Variants in CHORDC1 observed in about 807,000 individuals in gnomAD.
CHORDC1 encodes cysteine and histidine-rich domain-containing protein 1.
CHORDC1 carries 25 observed loss-of-function variants against 48.3 expected under a neutral mutation model. That is an observed-to-expected ratio of 0.52 (90% CI 0.38 to 0.72). The LOEUF is 0.72. Among genes scored for constraint, CHORDC1 ranks in the 30% least tolerant of loss-of-function variants. The pLI is 0.00. For synonymous variants in CHORDC1, 128 were observed against 126.4 expected, an observed-to-expected ratio of 1.01 and a Z score of -0.09; for missense variants, 317 against 388.7, an observed-to-expected ratio of 0.82 and a Z score of 1.55.
chr11:90,215,205 GTTC>G lies in CHORDC1; in HGVS notation c.137_139del (p.Arg46del). The stretch of plus-strand genomic sequence containing the variant: ...GCTTAAGAAATCAGAAAAATCAGTT[GTTC>G]TTCTCTTACAGCAAGACCAACCCTA... On this transcript the variant is annotated inframe_deletion, in exon 3 of 11. Coordinates refer to ENST00000320585, the MANE Select transcript of CHORDC1 (RefSeq NM_012124.3). 5 of 1,561,508 alleles carry G rather than the reference GTTC, an allele frequency of 3.2e-6. No individual in the cohort carries two copies. The highest frequency in any genetic ancestry group is 4.4e-6 in the Non-Finnish European group (5 of 1,148,182).
At chr11:90,205,003 T>G (rs141738677) in intron 8 of CHORDC1, among the ~76,000 whole-genome samples, 131 of 152,088 alleles carry the variant, frequency 8.6e-4, no homozygotes, top group African/African-American at 3.0e-3. Context: ...ACAATTCCAC[T>G]GAAACAAGAC....
At chr11:90,214,272 A>C in intron 3 of CHORDC1, 97 bp from the exon 4 acceptor site, 1 of 966,590 alleles carries the variant, frequency 1.0e-6, no homozygotes, top group Non-Finnish European at 1.4e-6. Flanking sequence ...ATTCTATTTC[A>C]TGTTTTCTCC....
At position 90,202,538 on chromosome 11, in the gene CHORDC1, T is replaced by C. The variant is rs180930667; in HGVS notation, c.866A>G (p.Lys289Arg). 4.3e-5 allele frequency: 69 copies of C among 1,613,368 alleles called. No homozygotes were observed. The highest frequency in any genetic ancestry group is 5.8e-5 in the Non-Finnish European group (69 of 1,179,536). Residue 289 changes from lysine (K) to arginine (R), a missense_variant, in exon 11 of 11, where the codon AAG becomes AGG. Physicochemically the swap from Lys to Arg is conservative, Grantham distance 26. Transcript: ENST00000320585. ...TGCAGTCATAGTTACATAACTTCGC[T>C]TTACATCAATCACCTGTAACATATC... ...NVKLWGVIDV[K>R]RSYVTMTATK...
rs1181659230 is a variant in CHORDC1 at position 90,201,086 on chromosome 11, AT to A, written c.*1318del. The A allele has an allele frequency of 6.6e-6, 1 of 152,014 alleles. No homozygotes were observed. The highest frequency in any genetic ancestry group is 2.4e-5 in the African/African-American group (1 of 41,456). The allele number at this position is 152,014 out of a possible 1,614,324, so 9.4% of individuals were successfully genotyped here. A position where few individuals can be genotyped will look rare whatever the true frequency, so the allele number is the denominator to read the frequency against. On this transcript the variant is annotated 3_prime_UTR_variant, in exon 11 of 11. Coordinates refer to ENST00000320585, the MANE Select transcript of CHORDC1 (RefSeq NM_012124.3). Reference sequence around the variant, plus strand: ...CAATTATATTAACTACAACTAAGTTATTTGCTAATGGTAGTAGAATGATACA... The same window carrying A: ...CAATTATATTAACTACAACTAAGTTATTGCTAATGGTAGTAGAATGATACA...
intron 2 of CHORDC1, chr11:90,217,895 CAA>C (rs71055891): frequency 0.14 from 25,505 of 176,412 alleles, 1,102 homozygotes; most frequent in South Asian, 0.2. Flanking sequence ...AACTCCATCT[CAA>C]AAAAAAAAAA....
chr11:90,217,376 C>T (rs1331379129), intron 2 of CHORDC1, among the ~76,000 whole-genome samples: 1 of 152,132 alleles, frequency 6.6e-6, no homozygotes, highest in African/African-American at 2.4e-5. Context: ...ATGTATCATA[C>T]TATCATGAAT....
chr11:90,204,777 T>C (rs1256475575), intron 8 of CHORDC1, among the ~76,000 whole-genome samples: 1 of 151,908 alleles, frequency 6.6e-6, no homozygotes, highest in African/African-American at 2.4e-5. Flanking sequence ...CTAAATTAAT[T>C]TGAAAATTTA....
chr11:90,205,467 T>A lies in CHORDC1; in HGVS notation c.662A>T (p.Lys221Ile). The change falls in exon 8 of 11, where the codon AAA becomes ATA. Residue 221 changes from lysine to isoleucine, a missense_variant. Transcript: ENST00000320585. ...CTKGKHMWTK[K>I]DAGKKVVPCR... The stretch of plus-strand genomic sequence containing the variant: ...TTTGGAAGAGTTACTTACAGCATCT[T>A]TTTTAGTCCACATGTGTTTCCCTTT... 6.3e-7 allele frequency: 1 copy of A among 1,589,786 alleles called. No homozygotes were observed.
At chr11:90,222,627 G>A (rs1431017187) in intron 1 of CHORDC1, 1 of 674,630 alleles carries the variant, frequency 1.5e-6, no homozygotes, top group Admixed American at 2.0e-5. Context: ...GACGACGGGG[G>A]AAACACGTGG....
In CHORDC1 at chr11:90,200,618, C is replaced by G. The variant is rs910841211; in HGVS notation, c.*1787G>C. Reference sequence around the variant, plus strand: ...GTAAATACCATGGTCACTAATGTAACCAGACTAAATATAAAAGCTACATAT... The same window carrying G: ...GTAAATACCATGGTCACTAATGTAAGCAGACTAAATATAAAAGCTACATAT... On this transcript the variant is annotated 3_prime_UTR_variant, in exon 11 of 11. Transcript: ENST00000320585. Among the ~76,000 whole-genome samples, 26 of 150,886 alleles carry G rather than the reference C, an allele frequency of 1.7e-4. No homozygotes were observed. Among genetic ancestry groups the G allele is most frequent in the African/African-American group, 6.3e-4 (26 of 41,182 alleles).
chr11:90,213,812 C>G, intron 4 of CHORDC1: 1 of 494,266 alleles, frequency 2.0e-6, no homozygotes, highest in Non-Finnish European at 3.5e-6. Flanking sequence ...ATATGCAAAT[C>G]TGTTATGTAG....
chr11:90,221,476 T>C (rs906032106), intron 1 of CHORDC1, among the ~76,000 whole-genome samples: 16 of 152,316 alleles, frequency 1.1e-4, no homozygotes, highest in African/African-American at 3.8e-4. Context: ...CTGCACCAAT[T>C]CACACATGGA....
chr11:90,211,805 T>G (rs1225129103), intron 4 of CHORDC1: 1 of 153,150 alleles, frequency 6.5e-6, no homozygotes, highest in African/African-American at 2.4e-5. Flanking sequence ...ACGATCGTAT[T>G]GCAAGGCAAT....
intron 3 of CHORDC1, 53 bp from the exon 4 acceptor site, chr11:90,214,228 G>T (rs1857948257): frequency 1.1e-5 from 14 of 1,306,742 alleles, no homozygotes; most frequent in Non-Finnish European, 1.2e-5. Context: ...TTTCATGATA[G>T]AAATATTATC....
At chr11:90,211,094 T>G in intron 5 of CHORDC1, 121 bp downstream of exon 5, 1 of 597,700 alleles carries the variant, frequency 1.7e-6, no homozygotes, top group Non-Finnish European at 2.9e-6. Context: ...GAAGAAAAAG[T>G]TTCTTAACTA....
intron 6 of CHORDC1, chr11:90,208,489 T>A (rs1349933146): frequency 6.6e-6 from 1 of 152,092 alleles, no homozygotes; most frequent in Non-Finnish European, 1.5e-5. Flanking sequence ...AAGGACAATA[T>A]AAAGTAGAAA....
chr11:90,211,892 CAAT>C (rs1428031684), intron 4 of CHORDC1: 1 of 152,132 alleles, frequency 6.6e-6, no homozygotes, highest in Non-Finnish European at 1.5e-5. Context: ...TAAGTCCACT[CAAT>C]AAATAAGTAT....
intron 4 of CHORDC1, chr11:90,213,706 T>A (rs915682068): frequency 3.3e-5 from 15 of 456,750 alleles, no homozygotes; most frequent in Non-Finnish European, 4.6e-5. Flanking sequence ...TCAAAGAATT[T>A]TACCATGCCA....
intron 6 of CHORDC1, chr11:90,206,801 G>C (rs1199741781): frequency 2.3e-6 from 3 of 1,285,036 alleles, no homozygotes; most frequent in South Asian, 1.2e-5. Context: ...TGCTGCTGTA[G>C]ATGGAGGCTC....
Sources: gnomAD v4.1 joint callset for allele counts (sites outside exome capture counted in the v4.1 genomes callset) on GRCh38, gnomAD v4.1.1 for gene constraint, MANE v1.5 for transcripts, NCBI Gene and HGNC (gene_info 2026-07-23, HGNC 2026-07-21) for gene names.